TLDC2: variants seen among roughly 807,000 people sequenced by gnomAD.
The protein encoded by TLDC2 is TBC/LysM-associated domain containing 2.
In TLDC2, 23 loss-of-function variants were observed where a neutral mutation model predicts 27.9. That is an observed-to-expected ratio of 0.82 (90% CI 0.59 to 1.17). The LOEUF (loss-of-function observed/expected upper bound fraction) is 1.17, where lower values mean the gene tolerates loss of function less well. Among genes scored for constraint, TLDC2 ranks in the 50% most tolerant of loss-of-function variants. The pLI, the probability that TLDC2 is intolerant of heterozygous loss-of-function variation, is 0.00. For synonymous variants in TLDC2, 124 were observed against 107.4 expected (o/e 1.16, Z -0.96); for missense variants, 286 against 273.4 (o/e 1.05, Z -0.32).
chr20:36,877,871 C>G, intron 1 of TLDC2, 28 bp from the exon 2 acceptor site: 1 of 1,600,796 alleles, frequency 6.2e-7, no homozygotes, highest in Non-Finnish European at 8.5e-7. Flanking sequence ...TGTCCCTGGA[C>G]ACACCAGGCC....
At chr20:36,876,893 C>T (rs1311912094) in intron 1 of TLDC2, among the ~76,000 whole-genome samples, 1 of 152,146 alleles carries the variant, frequency 6.6e-6, no homozygotes. Flanking sequence ...TATATAAACA[C>T]AAATTTACAC....
At chr20:36,878,932 G>T in intron 2 of TLDC2, 109 bp from the exon 3 acceptor site, 1 of 1,523,556 alleles carries the variant, frequency 6.6e-7, no homozygotes, top group Non-Finnish European at 9.0e-7. Flanking sequence ...CTGCTCTATC[G>T]CCTGTAAAGC....
intron 4 of TLDC2, among the ~76,000 whole-genome samples, chr20:36,881,452 C>T (rs904964501): frequency 1.3e-5 from 2 of 151,744 alleles, no homozygotes; most frequent in Admixed American, 6.6e-5. Context: ...TCGCGGTCAT[C>T]ACAGGTGTGG....
intron 5 of TLDC2, among the ~76,000 whole-genome samples, chr20:36,887,920 G>T (rs1989959401): frequency 6.6e-6 from 1 of 151,984 alleles, no homozygotes; most frequent in Admixed American, 6.6e-5. Context: ...GGTAGAGAGA[G>T]GTAGGAAAAA....
At chr20:36,888,977 G>A (rs1172934656) in intron 5 of TLDC2, among the ~76,000 whole-genome samples, 2 of 152,032 alleles carry the variant, frequency 1.3e-5, no homozygotes, top group African/African-American at 2.4e-5. Flanking sequence ...AGCCAGGGTC[G>A]TGCCACTGCA....
intron 3 of TLDC2, among the ~76,000 whole-genome samples, chr20:36,880,102 C>CCT (rs1568748597): frequency 1.0e-5 from 1 of 95,992 alleles, no homozygotes; most frequent in Non-Finnish European, 2.0e-5. Flanking sequence ...TATATATATA[C>CCT]TTTTTTTTTG....
At position 36,890,414 on chromosome 20, in the gene TLDC2, C is replaced by CTTTCTTTCTTTCTTTCTTTCT. The variant is rs1555830169; in HGVS notation, c.*17+1018_*17+1019insCTTTCTTTCTTTCTTTTCTTT. On this transcript the variant is annotated intron_variant, in intron 6 of 6. Coordinates refer to ENST00000217320, the MANE Select transcript of TLDC2 (RefSeq NM_080628.3). ...TTTCTTTCTCTTTCTTTCTTTCTTT[C>CTTTCTTTCTTTCTTTCTTTCT]TTTCTTTTCTTTCTCTCTTTCCTTC... 4.7e-5 allele frequency: 7 copies of CTTTCTTTCTTTCTTTCTTTCT among 150,104 alleles called. No individual in the cohort carries two copies. The East Asian group carries it at 9.9e-4, about 21-fold the overall frequency. The allele number at this position is 150,104 out of a possible 1,614,324, so 9.3% of individuals were successfully genotyped here.
chr20:36,892,966 C>A lies in TLDC2; in HGVS notation c.*122C>A, dbSNP rs1461249128. 1 of 1,613,818 alleles carries A rather than the reference C, an allele frequency of 6.2e-7. No individual in the cohort carries two copies. Among genetic ancestry groups the A allele is most frequent in the African/African-American group, 1.3e-5 (1 of 74,836 alleles). On this transcript the variant is annotated 3_prime_UTR_variant, in exon 7 of 7. Transcript: ENST00000217320. ...GTCATCTTTAAAAAGCTGGACTCTG[C>A]TTTTGGATGCTTCTCGGAGGCGAGT...
chr20:36,882,822 G>A (rs894789449), intron 4 of TLDC2, among the ~76,000 whole-genome samples: 2 of 152,194 alleles, frequency 1.3e-5, no homozygotes, highest in African/African-American at 4.8e-5. Flanking sequence ...ATCACCACTT[G>A]CCTTCCTGAA....
chr20:36,893,416 TTC>T lies in TLDC2; in HGVS notation c.*579_*580del. 2.7e-6 allele frequency: 1 copy of T among 372,394 alleles called. No homozygotes were observed. Among genetic ancestry groups the T allele is most frequent in the Non-Finnish European group, 5.0e-6 (1 of 201,560 alleles). The allele number at this position is 372,394 out of a possible 1,614,324, so 23.1% of individuals were successfully genotyped here. The stretch of plus-strand genomic sequence containing the variant: ...AGACGGGATGCACTGAACCCCTAGC[TTC>T]TCTCTCGCCTGGTCCCCTCTGCAAT... On this transcript the variant is annotated 3_prime_UTR_variant, in exon 7 of 7. Transcript: ENST00000217320.
chr20:36,891,361 T>A (rs1412938206), intron 6 of TLDC2: 2 of 152,248 alleles, frequency 1.3e-5, no homozygotes, highest in Admixed American at 1.3e-4. Flanking sequence ...GTGGTCTGAG[T>A]TCCCCTACTT....
At chr20:36,884,809 C>A (rs1186038230) in intron 4 of TLDC2, among the ~76,000 whole-genome samples, 11 of 149,364 alleles carry the variant, frequency 7.4e-5, no homozygotes, top group Admixed American at 6.0e-4. Context: ...AATGACAACA[C>A]CCAGCCCTAG....
chr20:36,889,925 G>A (rs1010883247), intron 6 of TLDC2: 1 of 152,196 alleles, frequency 6.6e-6, no homozygotes, highest in East Asian at 1.9e-4. Context: ...GTGTGTGTGT[G>A]TGTGTATACT....
intron 4 of TLDC2, among the ~76,000 whole-genome samples, chr20:36,884,019 G>A (rs1009018498): frequency 2.0e-5 from 3 of 152,128 alleles, no homozygotes; most frequent in African/African-American, 2.4e-5. Flanking sequence ...TCTTGAACCC[G>A]GGAGGTGGAG....
At chr20:36,879,884 T>TG (rs930189549) in intron 3 of TLDC2, among the ~76,000 whole-genome samples, 22 of 84,638 alleles carry the variant, frequency 2.6e-4, no homozygotes, top group Admixed American at 6.8e-4. Context: ...AAACCCTGTC[T>TG]GAAAAAAAAA....
chr20:36,892,777 T>C, intron 6 of TLDC2, 85 bp from the exon 7 acceptor site: 1 of 940,644 alleles, frequency 1.1e-6, no homozygotes, highest in Non-Finnish European at 1.7e-6. Flanking sequence ...TACCATCTTA[T>C]TTCTTTGATT....
intron 4 of TLDC2, among the ~76,000 whole-genome samples, chr20:36,885,814 C>A (rs1293561759): frequency 2.0e-5 from 3 of 152,250 alleles, no homozygotes; most frequent in South Asian, 2.1e-4. Context: ...AGGAAGAAGA[C>A]AGGCCACACG....
At position 36,879,189 on chromosome 20, in the gene TLDC2, G is replaced by A. The variant is rs779293943; in HGVS notation, c.338G>A (p.Gly113Glu). ...CTGCTGGTGCTCAGGGACCAGGACG[G>A]GCAGGTGAGCTGGGCAGGGGCACCA... ...PVLLVLRDQD[G>E]QIFGAFSSSA... Residue 113 changes from glycine to glutamate, a missense_variant, in exon 3 of 7, where the codon GGG becomes GAG. Gly to Glu is a moderately conservative substitution (Grantham distance 98). Coordinates refer to ENST00000217320, the MANE Select transcript of TLDC2 (RefSeq NM_080628.3). 5 of 1,612,376 alleles carry A rather than the reference G, an allele frequency of 3.1e-6. No homozygotes were observed. The Admixed American group carries it at 5.0e-5, about 16-fold the overall frequency.
intron 4 of TLDC2, among the ~76,000 whole-genome samples, 161 bp downstream of exon 4, chr20:36,880,911 C>T (rs1195959757): frequency 2.0e-5 from 3 of 152,248 alleles, no homozygotes; most frequent in African/African-American, 4.8e-5. Flanking sequence ...GAGCATCCCC[C>T]TTGACCTGCC....
Sources: gnomAD v4.1 joint callset for allele counts (sites outside exome capture counted in the v4.1 genomes callset) on GRCh38, gnomAD v4.1.1 for gene constraint, MANE v1.5 for transcripts, NCBI Gene and HGNC (gene_info 2026-07-23, HGNC 2026-07-21) for gene names.